PGAM5: variants seen among roughly 807,000 people sequenced by gnomAD.
The protein encoded by PGAM5 is PGAM family member 5, mitochondrial serine/threonine protein phosphatase.
A neutral mutation model predicts 30.6 loss-of-function variants in PGAM5; 25 were observed. The ratio of observed to expected loss-of-function variants is 0.82; its 90% CI spans 0.60 to 1.14. The LOEUF is 1.14. Among genes scored for constraint, PGAM5 ranks in the 50% most tolerant of loss-of-function variants. PGAM5 has a pLI of 0.00. For missense variants in PGAM5, 384 were observed against 408.5 expected (o/e 0.94, Z 0.52); for synonymous variants, 201 against 179.1 (o/e 1.12, Z -0.98).
chr12:132,719,079 C>T (rs192918393), intron 5 of PGAM5: 81 of 1,406,068 alleles, frequency 5.8e-5, no homozygotes, highest in Middle Eastern at 2.7e-4. Flanking sequence ...TTAGAGGGCC[C>T]CTTGGGGGGC....
intron 5 of PGAM5, chr12:132,719,310 GCC>G: frequency 1.0e-6 from 1 of 988,152 alleles, no homozygotes. Context: ...CCTGGTCTCT[GCC>G]CGTCTGTCAC....
intron 1 of PGAM5, among the ~76,000 whole-genome samples, chr12:132,712,768 T>C (rs924502416): frequency 2.2e-4 from 34 of 152,142 alleles, no homozygotes; most frequent in African/African-American, 8.2e-4. Context: ...TTATATTCTT[T>C]TTTAAAAATC....
chr12:132,719,650 G>A (rs2043623421), intron 5 of PGAM5, among the ~76,000 whole-genome samples: 1 of 152,226 alleles, frequency 6.6e-6, no homozygotes, highest in Non-Finnish European at 1.5e-5. Flanking sequence ...GGGCGGGAGA[G>A]TGGAGCCGAC....
intron 5 of PGAM5, chr12:132,719,111 T>C: frequency 2.2e-6 from 3 of 1,367,230 alleles, no homozygotes; most frequent in Non-Finnish European, 2.8e-6. Context: ...TACGGTTACA[T>C]GCCTGAAACA....
At chr12:132,719,272 TG>T (rs1223911760) in intron 5 of PGAM5, 10 of 1,063,274 alleles carry the variant, frequency 9.4e-6, no homozygotes, top group South Asian at 8.5e-5. Context: ...AGGACGGCAC[TG>T]GTCAGTGATG....
In PGAM5 at chr12:132,721,693, A is replaced by T. The variant is rs1395218537; in HGVS notation, c.*865A>T. The T allele has an allele frequency of 6.6e-6, 1 of 152,176 alleles. No homozygotes were observed. The highest frequency in any genetic ancestry group is 1.5e-5 in the Non-Finnish European group (1 of 68,050). 9.4% of individuals were successfully genotyped at this position (152,176 alleles called of 1,614,324 possible). On this transcript the variant is annotated 3_prime_UTR_variant, in exon 6 of 6. Transcript: ENST00000498926. ...AACCTCTGCCTCCTGGGTTCAAGTG[A>T]TTCTCCTGCCTCAGCTCCCGAGTAG...
Position 132,717,784 on chromosome 12 carries a change from A to C in PGAM5, c.571A>C (p.Lys191Gln). Residue 191 changes from lysine (K) to glutamine (Q), a missense_variant, in exon 4 of 6, where the codon AAG becomes CAG. Lys to Gln is a moderately conservative substitution (Grantham distance 53). Coordinates refer to ENST00000498926, the MANE Select transcript of PGAM5 (RefSeq NM_001170543.2). ...IEPDPPVSHW[K>Q]PEAVQYYEDG... is the part of the protein sequence containing the mutation. Reference sequence around the variant, plus strand: ...GCCAGACCCGCCCGTGTCTCATTGGAAGCCGGAAGCTGTGGTAAAAACCTC... The same window carrying C: ...GCCAGACCCGCCCGTGTCTCATTGGCAGCCGGAAGCTGTGGTAAAAACCTC... The C allele has an allele frequency of 6.3e-7, 1 of 1,587,362 alleles. No individual in the cohort carries two copies. Among genetic ancestry groups the C allele is most frequent in the Non-Finnish European group, 8.6e-7 (1 of 1,167,006 alleles).
rs1376847935 is a variant in PGAM5, at chr12:132,720,764, G to A, written c.806G>A (p.Arg269Gln). The change falls in exon 6 of 6, where the codon CGA becomes CAA. Residue 269 changes from arginine (R) to glutamine (Q), a missense_variant. Transcript: ENST00000498926. ...CACCTGGTGATCCGACCCAACGGCC[G>A]AGTTGCGCTCAGGACCCTCGGGGAC... ...ITHLVIRPNGRVALRTLGDTG... is the reference protein window; with the variant it reads ...ITHLVIRPNGQVALRTLGDTG... 5.9e-6 allele frequency: 9 copies of A among 1,536,380 alleles called. No individual in the cohort carries two copies. The highest frequency in any genetic ancestry group is 4.9e-5 in the East Asian group (2 of 40,916).
rs376423619 is a variant in PGAM5, at chr12:132,711,112, G to T, written c.191+45G>T. Reference sequence around the variant, plus strand: ...GGGCCGGGGTCGGGATGGGGGTCAGGGCAGGTGTTACCGTTGGGATCGAGA... The same window carrying T: ...GGGCCGGGGTCGGGATGGGGGTCAGTGCAGGTGTTACCGTTGGGATCGAGA... On this transcript the variant is annotated intron_variant, in intron 1 of 5. Transcript: ENST00000498926. 2.0e-5 allele frequency: 24 copies of T among 1,182,892 alleles called. No homozygotes were observed. The East Asian group carries it at 4.1e-4, about 20-fold the overall frequency. 73.3% of individuals were successfully genotyped at this position (1,182,892 alleles called of 1,614,324 possible). A position where few individuals can be genotyped will look rare whatever the true frequency, so the allele number is the denominator to read the frequency against.
intron 1 of PGAM5, 80 bp downstream of exon 1, chr12:132,711,147 G>A (rs1322342664): frequency 9.4e-7 from 1 of 1,060,490 alleles, no homozygotes; most frequent in African/African-American, 1.7e-5. Flanking sequence ...ATCGGGACCA[G>A]GTTTAAGGTT....
chr12:132,720,176 C>T (rs1373376717), intron 5 of PGAM5, among the ~76,000 whole-genome samples: 2 of 152,082 alleles, frequency 1.3e-5, no homozygotes, highest in Non-Finnish European at 2.9e-5. Flanking sequence ...AGGAGCGGCT[C>T]GGCTGATGTG....
intron 5 of PGAM5, among the ~76,000 whole-genome samples, chr12:132,719,533 G>A (rs2043622283): frequency 6.6e-6 from 1 of 152,248 alleles, no homozygotes; most frequent in South Asian, 2.1e-4. Flanking sequence ...GTCTGTGCTT[G>A]TGAATGAGCC....
rs147593481 is a variant in PGAM5 at position 132,718,019 on chromosome 12, C to T, written c.618C>T (p.Ala206=). ...QYYEDGARIE[A]AFRNYIHRAD... ...ACGAAGACGGAGCCCGGATCGAGGC[C>T]GCCTTCCGGAACTACATCCACCGCG... The change falls in exon 5 of 6, where the codon GCC becomes GCT. Residue 206 remains alanine (A), a synonymous_variant. Coordinates refer to ENST00000498926, the MANE Select transcript of PGAM5 (RefSeq NM_001170543.2). 279 of 1,612,658 alleles carry T rather than the reference C, an allele frequency of 1.7e-4. No individual in the cohort carries two copies. Among genetic ancestry groups the T allele is most frequent in the Non-Finnish European group, 8.7e-5 (103 of 1,180,004 alleles).
In PGAM5 at chr12:132,719,287, T is replaced by C. The variant is rs183169208; in HGVS notation, c.719+1167T>C. 1,093 of 1,027,002 alleles carry C rather than the reference T, an allele frequency of 1.1e-3. 8 individuals carry two copies. The African/African-American group carries it at 0.017, about 16-fold the overall frequency. 63.6% of individuals were successfully genotyped at this position (1,027,002 alleles called of 1,614,324 possible). On this transcript the variant is annotated intron_variant, in intron 5 of 5. Transcript: ENST00000498926. ...AGGACGGCACTGGTCAGTGATGCCG[T>C]GTGAGGCTGGGCCCTGGTCTCTGCC...
intron 2 of PGAM5, among the ~76,000 whole-genome samples, chr12:132,715,369 G>C (rs11615063): frequency 2.7e-4 from 41 of 149,122 alleles, no homozygotes; most frequent in Admixed American, 2.5e-3. Flanking sequence ...TCAGGAATTC[G>C]AGACCAGCCT....
intron 5 of PGAM5, chr12:132,719,138 A>T (rs1027480433): frequency 1.5e-6 from 2 of 1,306,522 alleles, no homozygotes; most frequent in South Asian, 3.4e-5. Flanking sequence ...AGGGTTGGCC[A>T]AATCTCACTA....
chr12:132,719,760 C>T (rs1326748300), intron 5 of PGAM5, among the ~76,000 whole-genome samples: 5 of 152,194 alleles, frequency 3.3e-5, no homozygotes, highest in South Asian at 4.1e-4. Flanking sequence ...TGAGGAGGCT[C>T]GGGAAGCAGC....
chr12:132,716,300 TGGTCTC>T (rs1422657877), intron 2 of PGAM5, among the ~76,000 whole-genome samples: 129 of 152,184 alleles, frequency 8.5e-4, no homozygotes, highest in African/African-American at 3.0e-3. Context: ...TTAGCCAGGA[TGGTCTC>T]TATCTCCTGA....
At position 132,717,748 on chromosome 12, in the gene PGAM5, GC is replaced by G; in HGVS notation, c.540del (p.Ile181SerfsTer83). The stretch of plus-strand genomic sequence containing the variant: ...CAGCACAGATCTGCTGCGGGAAGGC[GC>G]CCCCATCGAGCCAGACCCGCCCGTG... ...KVSTDLLREGAPIEPDPPVSH... is the reference protein window; with the variant it reads ...KVSTDLLREGXPIEPDPPVSH... On this transcript the variant is annotated frameshift_variant, in exon 4 of 6. Coordinates refer to ENST00000498926, the MANE Select transcript of PGAM5 (RefSeq NM_001170543.2). LOFTEE classifies it high-confidence loss of function. 6.3e-7 allele frequency: 1 copy of G among 1,583,828 alleles called. No homozygotes were observed.
Sources: gnomAD v4.1 joint callset for allele counts (sites outside exome capture counted in the v4.1 genomes callset) on GRCh38, gnomAD v4.1.1 for gene constraint, MANE v1.5 for transcripts, NCBI Gene and HGNC (gene_info 2026-07-23, HGNC 2026-07-21) for gene names.